KIRREL3: variants seen among roughly 807,000 people sequenced by gnomAD.
KIRREL3 encodes the protein kin of IRRE-like protein 3.
Under a neutral mutation model 89.7 loss-of-function variants are expected in KIRREL3, and 36 were observed. The observed-to-expected ratio is 0.40, with a 90% confidence interval of 0.31 to 0.53. KIRREL3 has a LOEUF of 0.53. Among genes scored for constraint, KIRREL3 ranks in the 20% least tolerant of loss-of-function variants. KIRREL3 has a pLI of 0.49. For missense variants in KIRREL3, 864 were observed against 1,056.6 expected, an observed-to-expected ratio of 0.82 and a Z score of 2.53; for synonymous variants, 445 against 441.4, an observed-to-expected ratio of 1.01 and a Z score of -0.10.
At chr11:126,956,537 T>C (rs1948927034) in intron 1 of KIRREL3, among the ~76,000 whole-genome samples, 1 of 152,194 alleles carries the variant, frequency 6.6e-6, no homozygotes, top group South Asian at 2.1e-4. Context: ...AAGTTTTCTT[T>C]AGAAATATCC....
rs1946674985 is a variant in KIRREL3, at chr11:126,686,605, AG to A, written c.56-123694del. 6.6e-6 allele frequency among the ~76,000 whole-genome samples: 1 copy of A among 152,064 alleles called. No individual in the cohort carries two copies. Among genetic ancestry groups the A allele is most frequent in the African/African-American group, 2.4e-5 (1 of 41,402 alleles). ...TTATTTTATTTTAATTTTGAGACAG[AG>A]TCTCACTGTGTGGCACAGGCTGGAG... On this transcript the variant is annotated intron_variant, in intron 1 of 16. Coordinates refer to ENST00000525144, the MANE Select transcript of KIRREL3 (RefSeq NM_032531.4). This position sits in a 1 kb window ranked among gnomAD's most constrained non-coding sequence, Gnocchi z 4.7.
At chr11:126,856,160 A>C (rs1487400702) in intron 1 of KIRREL3, among the ~76,000 whole-genome samples, 1 of 152,194 alleles carries the variant, frequency 6.6e-6, no homozygotes, top group Non-Finnish European at 1.5e-5. Flanking sequence ...GATATGGTAA[A>C]GGCTCTGGAA....
rs1456492069 is a variant in KIRREL3, at chr11:126,912,482, C to G, written c.55+87973G>C. ...TTCCGATGGCTCCAGTCCTAAGCACCCCTCACAGTAGGCATCAACCAAGAA... is the reference window on the plus strand; with the variant it reads ...TTCCGATGGCTCCAGTCCTAAGCACGCCTCACAGTAGGCATCAACCAAGAA... On this transcript the variant is annotated intron_variant, in intron 1 of 16. Coordinates refer to ENST00000525144, the MANE Select transcript of KIRREL3 (RefSeq NM_032531.4). This position sits in a 1 kb window ranked among gnomAD's most constrained non-coding sequence, Gnocchi z 4.7. Among the ~76,000 whole-genome samples the G allele has an allele frequency of 2.0e-5, 3 of 152,182 alleles. No homozygotes were observed. Among genetic ancestry groups the G allele is most frequent in the Non-Finnish European group, 4.4e-5 (3 of 68,028 alleles).
intron 2 of KIRREL3, among the ~76,000 whole-genome samples, chr11:126,539,882 A>G (rs1591703936): frequency 6.6e-6 from 1 of 152,278 alleles, no homozygotes; most frequent in East Asian, 1.9e-4. Flanking sequence ...TGATAATTCA[A>G]CTCCAAATAT....
chr11:126,851,012 A>G (rs1193836647), intron 1 of KIRREL3, among the ~76,000 whole-genome samples: 1 of 152,226 alleles, frequency 6.6e-6, no homozygotes, highest in Non-Finnish European at 1.5e-5. Flanking sequence ...AGTTCAGCCA[A>G]TTAATATGGT....
rs1019089462 is a variant in KIRREL3 at position 126,456,516 on chromosome 11, C to T, written c.743-62G>A. ...AGAATGGGGGCAGGGAGATCCTGGG[C>T]GACATGGAGGATACAGCCAGAGACT... On this transcript the variant is annotated intron_variant, in intron 6 of 16. Transcript: ENST00000525144. The T allele has an allele frequency of 8.7e-5, 98 of 1,122,616 alleles. No individual in the cohort carries two copies. In the East Asian group the frequency reaches 1.7e-3, roughly 20 times the overall value. The allele number at this position is 1,122,616 out of a possible 1,614,324, so 69.5% of individuals were successfully genotyped here. A position where few individuals can be genotyped will look rare whatever the true frequency, so the allele number is the denominator to read the frequency against.
chr11:126,671,282 A>C (rs1464290439), intron 1 of KIRREL3, among the ~76,000 whole-genome samples: 1 of 141,218 alleles, frequency 7.1e-6, no homozygotes. Flanking sequence ...TGCCCACACC[A>C]CTCTTGAACT....
At chr11:126,952,950 A>T (rs1295014295) in intron 1 of KIRREL3, among the ~76,000 whole-genome samples, 1 of 152,230 alleles carries the variant, frequency 6.6e-6, no homozygotes, top group Non-Finnish European at 1.5e-5. Flanking sequence ...TTAGAACCAG[A>T]AATACCATTT....
rs1945477636 is a variant in KIRREL3, at chr11:126,662,911, T to TC, written c.56-100000_56-99999insG. ...TACTTTTTCCAAAGTCCTTTCTTTT[T>TC]TTTTTTTTTTTTTTTTGCTCCATCT... On this transcript the variant is annotated intron_variant, in intron 1 of 16. Transcript: ENST00000525144. Among the ~76,000 whole-genome samples, 4 of 146,530 alleles carry TC rather than the reference T, an allele frequency of 2.7e-5. No individual in the cohort carries two copies. In the South Asian group the frequency reaches 9.0e-4, roughly 33 times the overall value.
In KIRREL3 at chr11:126,484,582, A is replaced by T. The variant is rs150357119; in HGVS notation, c.434-11116T>A. On this transcript the variant is annotated intron_variant, in intron 4 of 16. Transcript: ENST00000525144. This position sits in a 1 kb window ranked among gnomAD's most constrained non-coding sequence, Gnocchi z 5.2. Reference sequence around the variant, plus strand: ...TTCCAGACTTAACAAATCAAAGAACAGTAGGCCCTGTTAAATGTAAATTTC... The same window carrying T: ...TTCCAGACTTAACAAATCAAAGAACTGTAGGCCCTGTTAAATGTAAATTTC... Among the ~76,000 whole-genome samples, 317 of 152,368 alleles carry T rather than the reference A, an allele frequency of 2.1e-3. 1 individual carries two copies. Among genetic ancestry groups the T allele is most frequent in the African/African-American group, 7.4e-3 (308 of 41,588 alleles).
In KIRREL3 at chr11:126,541,357, C is replaced by T. The variant is rs1182749189; in HGVS notation, c.134-14670G>A. 6.6e-6 allele frequency among the ~76,000 whole-genome samples: 1 copy of T among 152,216 alleles called. No individual in the cohort carries two copies. The highest frequency in any genetic ancestry group is 1.9e-4 in the East Asian group (1 of 5,170). ...AGGTTTAAGCGCCTTCCTCCCAACC[C>T]TAATGCTTGATGTTCTAACTTATCC... is the stretch of plus-strand genomic sequence containing the variant. On this transcript the variant is annotated intron_variant, in intron 2 of 16. Coordinates refer to ENST00000525144, the MANE Select transcript of KIRREL3 (RefSeq NM_032531.4). The surrounding 1 kb of genome is among the most constrained non-coding windows in gnomAD (Gnocchi z 4.8).
Position 126,954,697 on chromosome 11 carries a change from G to T in KIRREL3, c.55+45758C>A. 6.6e-6 allele frequency among the ~76,000 whole-genome samples: 1 copy of T among 152,060 alleles called. No individual in the cohort carries two copies. Among genetic ancestry groups the T allele is most frequent in the Non-Finnish European group, 1.5e-5 (1 of 68,014 alleles). On this transcript the variant is annotated intron_variant, in intron 1 of 16. Transcript: ENST00000525144. This position sits in a 1 kb window ranked among gnomAD's most constrained non-coding sequence, Gnocchi z 4.1. ...AGAGGTCATCTAGTAGAATATCACA[G>T]GCAGTTCATTTTAACAGTAGTCATA...
intron 10 of KIRREL3, among the ~76,000 whole-genome samples, chr11:126,444,455 T>A (rs2134188430): frequency 6.6e-6 from 1 of 152,306 alleles, no homozygotes; most frequent in East Asian, 1.9e-4. Context: ...TGAAACCCTG[T>A]CTCTACTAAA....
intron 1 of KIRREL3, among the ~76,000 whole-genome samples, chr11:126,670,818 C>A (rs189964157): frequency 5.4e-4 from 83 of 152,316 alleles, no homozygotes; most frequent in African/African-American, 2.0e-3. Flanking sequence ...GTAGATACAA[C>A]AAACTTAATG....
chr11:126,759,834 T>G, intron 1 of KIRREL3, among the ~76,000 whole-genome samples: 1 of 152,198 alleles, frequency 6.6e-6, no homozygotes, highest in East Asian at 1.9e-4. Context: ...GAATTCTTTT[T>G]GGGGTAGGAA....
rs142794978 is a variant in KIRREL3 at position 126,603,892 on chromosome 11, C to G, written c.56-40980G>C. 7.9e-5 allele frequency among the ~76,000 whole-genome samples: 12 copies of G among 152,266 alleles called. No individual in the cohort carries two copies. The South Asian group carries it at 1.0e-3, about 13-fold the overall frequency. The stretch of plus-strand genomic sequence containing the variant: ...TTTTACCCATGTCTCCCCAAATAGC[C>G]CCCCCTCCTCCCACTAGCCCCGAGG... On this transcript the variant is annotated intron_variant, in intron 1 of 16. Coordinates refer to ENST00000525144, the MANE Select transcript of KIRREL3 (RefSeq NM_032531.4).
At chr11:126,702,254 T>C (rs769109462) in intron 1 of KIRREL3, among the ~76,000 whole-genome samples, 2 of 152,236 alleles carry the variant, frequency 1.3e-5, no homozygotes, top group Non-Finnish European at 1.5e-5. Context: ...ACATAGAATG[T>C]ACCCTATTGA....
intron 2 of KIRREL3, among the ~76,000 whole-genome samples, chr11:126,538,638 G>T (rs1938109436): frequency 6.6e-6 from 1 of 152,148 alleles, no homozygotes. Context: ...GATAGAGTAT[G>T]TTCTGACCCA....
chr11:126,831,397 TTAAGTCA>T (rs1943600923), intron 1 of KIRREL3, among the ~76,000 whole-genome samples: 1 of 147,894 alleles, frequency 6.8e-6, no homozygotes, highest in Non-Finnish European at 1.5e-5. Flanking sequence ...TTTCTCTCTC[TTAAGTCA>T]GTCTCTCTGT....
Sources: allele counts gnomAD v4.1 joint callset (sites outside exome capture counted in the v4.1 genomes callset), GRCh38; gene constraint gnomAD v4.1.1; non-coding constraint Gnocchi (gnomAD v3.1); transcripts MANE v1.5; gene names NCBI Gene and HGNC (gene_info 2026-07-23, HGNC 2026-07-21).